LINGO2: variants seen among roughly 807,000 people sequenced by gnomAD.
LINGO2 encodes leucine-rich repeat and immunoglobulin-like domain-containing nogo receptor-interacting protein 2.
Under a neutral mutation model 30.6 loss-of-function variants are expected in LINGO2, and 14 were observed. The observed-to-expected ratio is 0.46, with a 90% CI of 0.30 to 0.72. The LOEUF is 0.72. Ranked by LOEUF, LINGO2 falls within the 30% of genes least tolerant of loss-of-function variation. The pLI is 0.07. For missense variants in LINGO2, 729 were observed against 751.7 expected (o/e 0.97, Z 0.35); for synonymous variants, 317 against 288.5 (o/e 1.10, Z -1.00).
intron 5 of LINGO2, among the ~76,000 whole-genome samples, chr9:27,976,397 T>C (rs1336445626): frequency 6.6e-6 from 1 of 152,094 alleles, no homozygotes; most frequent in Non-Finnish European, 1.5e-5. Context: ...ATGTTCTTTC[T>C]GGGAGAAAGT....
chr9:28,033,407 T>C (rs1823777555), intron 4 of LINGO2, among the ~76,000 whole-genome samples: 1 of 152,178 alleles, frequency 6.6e-6, no homozygotes, highest in African/African-American at 2.4e-5. Flanking sequence ...TCAAAGGTTC[T>C]TGCCCACTTG....
intron 3 of LINGO2, among the ~76,000 whole-genome samples, chr9:28,340,046 G>A (rs1825716286): frequency 6.6e-6 from 1 of 152,222 alleles, no homozygotes; most frequent in African/African-American, 2.4e-5. Context: ...CTGCTGCTCA[G>A]TAAAACAGGC....
the LINGO2 span, among the ~76,000 whole-genome samples, chr9:29,166,049 T>C: frequency 6.6e-5 from 10 of 152,268 alleles, no homozygotes; most frequent in East Asian, 1.9e-3. Context: ...ATACATATAA[T>C]CAATTTATTT....
chr9:28,572,980 G>A (rs1823774260), intron 1 of LINGO2, among the ~76,000 whole-genome samples: 1 of 152,038 alleles, frequency 6.6e-6, no homozygotes. Flanking sequence ...ACAGAGTCAT[G>A]GCATTTAATC....
chr9:28,596,246 A>G (rs1825170715), intron 1 of LINGO2, among the ~76,000 whole-genome samples: 1 of 152,184 alleles, frequency 6.6e-6, no homozygotes, highest in Non-Finnish European at 1.5e-5. Context: ...TCTGCACAGT[A>G]GAAGAGGATT....
intron 4 of LINGO2, among the ~76,000 whole-genome samples, chr9:28,090,964 A>G (rs886554966): frequency 1.3e-5 from 2 of 152,198 alleles, no homozygotes; most frequent in African/African-American, 4.8e-5. Context: ...CCCATTCACA[A>G]TTGTTTCAAA....
chr9:29,186,174 T>C, the LINGO2 span, among the ~76,000 whole-genome samples: 1 of 152,180 alleles, frequency 6.6e-6, no homozygotes, highest in African/African-American at 2.4e-5. Flanking sequence ...TTTTACAGAC[T>C]ATTCTCAAAC....
intron 2 of LINGO2, among the ~76,000 whole-genome samples, chr9:28,418,577 G>A (rs1401532452): frequency 6.6e-6 from 1 of 151,772 alleles, no homozygotes; most frequent in South Asian, 2.1e-4. Context: ...GTGCCCAGAC[G>A]GCAATTTACA....
At chr9:28,264,383 T>G (rs1305217060) in intron 4 of LINGO2, among the ~76,000 whole-genome samples, 2 of 152,014 alleles carry the variant, frequency 1.3e-5, no homozygotes, top group Admixed American at 1.3e-4. Context: ...ATAAAAATAT[T>G]ATCTCTTAAT....
intron 5 of LINGO2, among the ~76,000 whole-genome samples, chr9:27,953,726 G>C (rs10119174): frequency 0.51 from 77,136 of 151,854 alleles, 20,719 homozygotes; most frequent in East Asian, 0.68. Context: ...CCATGCTGAT[G>C]TGTGAGTCAA....
chr9:28,096,664 A>G lies in LINGO2; in HGVS notation c.-86-84259T>C, dbSNP rs560630402. ...TCAGTGCTGATCCGGTGTCTTTTAT[A>G]TGTCAGGCACTGGGCTAGGTCCTGG... On this transcript the variant is annotated intron_variant, in intron 4 of 5. Transcript: ENST00000379992. Among the ~76,000 whole-genome samples, 7 of 152,188 alleles carry G rather than the reference A, an allele frequency of 4.6e-5. No homozygotes were observed. In the South Asian group the frequency reaches 1.5e-3, roughly 32 times the overall value.
At chr9:28,826,957 T>C in the LINGO2 span, among the ~76,000 whole-genome samples, 10 of 152,274 alleles carry the variant, frequency 6.6e-5, no homozygotes, top group South Asian at 8.3e-4. Flanking sequence ...ATGGATGCTA[T>C]AGTTATTGGT....
chr9:28,969,815 T>A, the LINGO2 span, among the ~76,000 whole-genome samples: 2 of 152,186 alleles, frequency 1.3e-5, no homozygotes, highest in African/African-American at 4.8e-5. Context: ...TACCATTAAA[T>A]GAAATGAAGC....
At chr9:28,351,221 T>G (rs1417240883) in intron 3 of LINGO2, among the ~76,000 whole-genome samples, 1 of 148,446 alleles carries the variant, frequency 6.7e-6, no homozygotes, top group Non-Finnish European at 1.5e-5. Flanking sequence ...GCTGGTTTTT[T>G]GAAAGGATCA....
the LINGO2 span, among the ~76,000 whole-genome samples, chr9:29,128,664 G>T: frequency 6.6e-6 from 1 of 152,162 alleles, no homozygotes; most frequent in Middle Eastern, 3.4e-3. Flanking sequence ...CAAAATTTTG[G>T]TTCACAGCCT....
rs1031229835 is a variant in LINGO2 at position 28,054,129 on chromosome 9, A to G, written c.-86-41724T>C. ...GGAGAAGCCTGTTATAAAAGTCAAA[A>G]TGTTGAGACTGAAGTTATTGGGACC... On this transcript the variant is annotated intron_variant, in intron 4 of 5. Transcript: ENST00000379992. Among the ~76,000 whole-genome samples the G allele has an allele frequency of 7.2e-5, 11 of 152,170 alleles. No homozygotes were observed. The South Asian group carries it at 1.0e-3, about 14-fold the overall frequency.
intron 2 of LINGO2, among the ~76,000 whole-genome samples, chr9:28,382,832 C>T (rs1317507810): frequency 2.0e-5 from 3 of 151,914 alleles, no homozygotes; most frequent in Admixed American, 2.0e-4. Flanking sequence ...TGTTTACCTC[C>T]CTGGATTATT....
rs75281408 is a variant in LINGO2, at chr9:28,458,578, T to G, written c.-279+17362A>C. ...ACTGCCAAGATCTGGAGCAAAAACT[T>G]GGTCATCCTCTCACTGATCTTGTTA... is the stretch of plus-strand genomic sequence containing the variant. On this transcript the variant is annotated intron_variant, in intron 2 of 5. Coordinates refer to ENST00000379992, the Ensembl canonical transcript of LINGO2. 3.6e-3 allele frequency among the ~76,000 whole-genome samples: 552 copies of G among 152,274 alleles called. 3 individuals are homozygous for G. The highest frequency in any genetic ancestry group is 5.6e-3 in the Non-Finnish European group (382 of 68,016).
chr9:28,447,345 C>G (rs1824461649), intron 2 of LINGO2, among the ~76,000 whole-genome samples: 1 of 152,152 alleles, frequency 6.6e-6, no homozygotes, highest in South Asian at 2.1e-4. Flanking sequence ...TCAAAGGTAG[C>G]TTGTTTGCCC....
Sources: allele counts gnomAD v4.1 joint callset (sites outside exome capture counted in the v4.1 genomes callset), GRCh38; gene constraint gnomAD v4.1.1; transcripts MANE v1.5; gene names NCBI Gene and HGNC (gene_info 2026-07-23, HGNC 2026-07-21).